SPATA16: variants seen among roughly 807,000 people sequenced by gnomAD.
The protein encoded by SPATA16 is spermatogenesis-associated protein 16.
In SPATA16, 36 loss-of-function variants were observed where a neutral mutation model predicts 63.3. The ratio of observed to expected loss-of-function variants is 0.57; its 90% CI spans 0.44 to 0.75. The LOEUF is 0.75. SPATA16 is among the 30% of genes least tolerant of loss of function. The probability of loss-of-function intolerance (pLI) is 0.00; values close to 1 mark genes in which losing one functional copy is unlikely to be tolerated. For synonymous variants in SPATA16, 203 were observed against 216.7 expected (o/e 0.94, Z 0.56); for missense variants, 646 against 679.3 (o/e 0.95, Z 0.54).
At chr3:173,041,490 A>G (rs2108289772) in intron 3 of SPATA16, among the ~76,000 whole-genome samples, 1 of 152,274 alleles carries the variant, frequency 6.6e-6, no homozygotes, top group South Asian at 2.1e-4. Context: ...TGTTTTCCCA[A>G]AGCAAGACAT....
chr3:172,950,432 A>G (rs948041478), intron 6 of SPATA16, among the ~76,000 whole-genome samples: 2 of 152,248 alleles, frequency 1.3e-5, no homozygotes, highest in Non-Finnish European at 2.9e-5. Context: ...CGGTGCAAAT[A>G]TTAGATGATT....
intron 2 of SPATA16, among the ~76,000 whole-genome samples, chr3:173,060,357 G>A (rs1736349001): frequency 6.6e-6 from 1 of 152,074 alleles, no homozygotes; most frequent in African/African-American, 2.4e-5. Context: ...AATTTTAAAA[G>A]TCAGTATTCT....
At chr3:172,930,200 T>C (rs1161383431) in intron 6 of SPATA16, among the ~76,000 whole-genome samples, 1 of 152,240 alleles carries the variant, frequency 6.6e-6, no homozygotes, top group Non-Finnish European at 1.5e-5. Context: ...CGATGAATAT[T>C]TTTGATACAT....
intron 6 of SPATA16, among the ~76,000 whole-genome samples, chr3:172,951,326 A>G (rs1467558841): frequency 2.0e-5 from 3 of 152,158 alleles, no homozygotes; most frequent in Non-Finnish European, 4.4e-5. Flanking sequence ...CTGAGCATGT[A>G]TAAACCTGGT....
intron 2 of SPATA16, among the ~76,000 whole-genome samples, chr3:173,108,897 C>A (rs187539581): frequency 2.0e-5 from 3 of 152,240 alleles, no homozygotes; most frequent in African/African-American, 4.8e-5. Context: ...GTTGACTATG[C>A]CATCTACGCT....
chr3:173,077,666 C>G (rs1445696029), intron 2 of SPATA16, among the ~76,000 whole-genome samples: 4 of 152,154 alleles, frequency 2.6e-5, no homozygotes, highest in Admixed American at 6.5e-5. Flanking sequence ...TCCAAGTGCA[C>G]AAAGAAGAGA....
At chr3:173,075,566 A>G (rs1685323569) in intron 2 of SPATA16, among the ~76,000 whole-genome samples, 1 of 152,238 alleles carries the variant, frequency 6.6e-6, no homozygotes, top group African/African-American at 2.4e-5. Flanking sequence ...AATGTGGTAC[A>G]TATACACAAT....
At chr3:173,127,927 A>C (rs1036404227) in intron 1 of SPATA16, among the ~76,000 whole-genome samples, 13 of 152,242 alleles carry the variant, frequency 8.5e-5, no homozygotes, top group African/African-American at 3.1e-4. Flanking sequence ...AATCTAAACT[A>C]TGATGATTGC....
chr3:173,119,967 G>C (rs927322199), intron 1 of SPATA16, among the ~76,000 whole-genome samples: 2 of 152,030 alleles, frequency 1.3e-5, no homozygotes, highest in Non-Finnish European at 2.9e-5. Flanking sequence ...CATGCCTGTA[G>C]TCCCAATTAC....
intron 3 of SPATA16, among the ~76,000 whole-genome samples, chr3:173,026,480 T>C (rs1043194997): frequency 1.1e-4 from 17 of 151,954 alleles, no homozygotes; most frequent in Non-Finnish European, 4.4e-5. Flanking sequence ...AGTTTATACC[T>C]TTAAAATATA....
At chr3:172,938,953 C>T (rs112040713) in intron 6 of SPATA16, among the ~76,000 whole-genome samples, 8,197 of 151,734 alleles carry the variant, frequency 0.054, 744 homozygotes, top group African/African-American at 0.19. Context: ...GAGGAAGTCA[C>T]ACCCACATGC....
chr3:172,931,555 T>G (rs1732872997), intron 6 of SPATA16, among the ~76,000 whole-genome samples: 1 of 152,228 alleles, frequency 6.6e-6, no homozygotes. Flanking sequence ...GCCACATCTT[T>G]AAATTATCTT....
chr3:172,960,135 A>G (rs1434540110), intron 5 of SPATA16, among the ~76,000 whole-genome samples: 2 of 152,126 alleles, frequency 1.3e-5, no homozygotes, highest in African/African-American at 4.8e-5. Context: ...ATTTTCCTTG[A>G]TTTTGCGAAT....
intron 3 of SPATA16, among the ~76,000 whole-genome samples, chr3:173,022,418 G>T (rs1295473909): frequency 6.6e-6 from 1 of 152,100 alleles, no homozygotes; most frequent in Non-Finnish European, 1.5e-5. Flanking sequence ...AATTTGAGAT[G>T]AAATATTTTA....
At chr3:173,115,578 C>G (rs1285194236) in intron 2 of SPATA16, among the ~76,000 whole-genome samples, 1 of 152,152 alleles carries the variant, frequency 6.6e-6, no homozygotes, top group African/African-American at 2.4e-5. Flanking sequence ...CGTAGTACAT[C>G]ACACTTCCCT....
chr3:172,922,236 C>G (rs1190227032), intron 8 of SPATA16, among the ~76,000 whole-genome samples: 1 of 152,212 alleles, frequency 6.6e-6, no homozygotes, highest in East Asian at 1.9e-4. Context: ...TTACCTACTT[C>G]AATTTCATTA....
At chr3:173,051,266 G>C (rs1016100955) in intron 2 of SPATA16, among the ~76,000 whole-genome samples, 1 of 151,892 alleles carries the variant, frequency 6.6e-6, no homozygotes, top group Admixed American at 6.6e-5. Flanking sequence ...GTAGTGGCGC[G>C]ATCTCTCCTC....
chr3:172,898,451 G>A (rs1362055081), intron 10 of SPATA16, among the ~76,000 whole-genome samples: 2 of 151,850 alleles, frequency 1.3e-5, no homozygotes, highest in African/African-American at 4.8e-5. Flanking sequence ...GTGGTAGCAT[G>A]TTTTTTGAGA....
At chr3:172,986,360 C>G (rs1383969729) in intron 4 of SPATA16, among the ~76,000 whole-genome samples, 1 of 152,012 alleles carries the variant, frequency 6.6e-6, no homozygotes, top group Non-Finnish European at 1.5e-5. Flanking sequence ...CTCTGTTCCA[C>G]AAAGATGAGG....
Sources: allele counts gnomAD v4.1 joint callset (sites outside exome capture counted in the v4.1 genomes callset), GRCh38; gene constraint gnomAD v4.1.1; transcripts MANE v1.5; gene names NCBI Gene and HGNC (gene_info 2026-07-23, HGNC 2026-07-21).